ANKFN1: variants seen among roughly 807,000 people sequenced by gnomAD.
The protein encoded by ANKFN1 is ankyrin repeat and fibronectin type III domain containing 1, also known as ankyrin repeat and fibronectin type-III domain-containing protein 1.
Under a neutral mutation model 108.7 loss-of-function variants are expected in ANKFN1, and 74 were observed. That is an observed-to-expected ratio of 0.68 (90% CI 0.56 to 0.83). The LOEUF (loss-of-function observed/expected upper bound fraction) is 0.83, where lower values mean the gene tolerates loss of function less well. Ranked by LOEUF, ANKFN1 falls within the 40% of genes least tolerant of loss-of-function variation. The pLI is 0.00. For synonymous variants in ANKFN1, 547 were observed against 516.2 expected, an observed-to-expected ratio of 1.06 and a Z score of -0.81; for missense variants, 1,505 against 1,382.3, an observed-to-expected ratio of 1.09 and a Z score of -1.41.
intron 3 of ANKFN1, among the ~76,000 whole-genome samples, chr17:56,264,428 G>A (rs911170755): frequency 7.2e-5 from 11 of 152,138 alleles, no homozygotes; most frequent in South Asian, 2.1e-4. Flanking sequence ...CAGGATTCTC[G>A]CTATTTTTCA....
chr17:56,190,285 G>T (rs535900531), intron 1 of ANKFN1, among the ~76,000 whole-genome samples: 42 of 135,790 alleles, frequency 3.1e-4, no homozygotes, highest in Middle Eastern at 3.5e-3. Context: ...TGCTTTTCTA[G>T]TTCTTCTAAT....
At chr17:56,062,942 A>G (rs540219395) in intron 4 of ANKFN1, among the ~76,000 whole-genome samples, 1 of 152,222 alleles carries the variant, frequency 6.6e-6, no homozygotes, top group African/African-American at 2.4e-5. Flanking sequence ...ATCCCTCAGC[A>G]TTTGCTTGTC....
chr17:56,363,625 G>A (rs2046583767), intron 6 of ANKFN1, among the ~76,000 whole-genome samples: 2 of 152,112 alleles, frequency 1.3e-5, no homozygotes, highest in East Asian at 1.9e-4. Flanking sequence ...GCACTTCCAT[G>A]TTCACTGCAG....
chr17:56,466,229 CAAA>C (rs57013545), intron 14 of ANKFN1, 124 bp from the exon 15 acceptor site: 53 of 704,056 alleles, frequency 7.5e-5, no homozygotes, highest in Non-Finnish European at 9.5e-5. Context: ...GGTTTAAGTG[CAAA>C]AAAAAAAAAG....
intron 15 of ANKFN1, among the ~76,000 whole-genome samples, chr17:56,468,081 G>C (rs574658499): frequency 3.3e-5 from 5 of 152,158 alleles, no homozygotes; most frequent in African/African-American, 4.8e-5. Flanking sequence ...CACAAAACTT[G>C]ATTTTGTCCC....
intron 4 of ANKFN1, among the ~76,000 whole-genome samples, chr17:56,049,775 T>C (rs1340083849): frequency 2.7e-5 from 4 of 148,220 alleles, no homozygotes; most frequent in African/African-American, 1.0e-4. Context: ...CCACATTTTC[T>C]TAATCCAGTC....
intron 3 of ANKFN1, among the ~76,000 whole-genome samples, chr17:56,301,413 G>A (rs913070083): frequency 4.6e-5 from 7 of 152,194 alleles, no homozygotes; most frequent in Admixed American, 3.9e-4. Flanking sequence ...TAATGGCTTG[G>A]TTTAATCTGA....
chr17:56,091,122 C>T (rs1038849805), intron 4 of ANKFN1, among the ~76,000 whole-genome samples: 6 of 150,920 alleles, frequency 4.0e-5, no homozygotes, highest in African/African-American at 1.5e-4. Flanking sequence ...TCAAAAAATT[C>T]TTGTTGAAAT....
intron 3 of ANKFN1, among the ~76,000 whole-genome samples, chr17:56,232,622 A>C (rs1290032637): frequency 6.6e-6 from 1 of 152,168 alleles, no homozygotes; most frequent in Admixed American, 6.6e-5. Flanking sequence ...GGCTTCATTC[A>C]AGAGATTGGT....
At position 56,047,621 on chromosome 17, in the gene ANKFN1, C is replaced by T. The variant is rs551144223; in HGVS notation, c.288+1296C>T. Among the ~76,000 whole-genome samples the T allele has an allele frequency of 1.5e-4, 23 of 152,080 alleles. No individual in the cohort carries two copies. The South Asian group carries it at 4.8e-3, about 32-fold the overall frequency. On this transcript the variant is annotated intron_variant, in intron 4 of 12. Transcript: ENST00000635860. Reference sequence around the variant, plus strand: ...CTGGGGAGAGGAAAGAGCCATCTGTCTTCTACAAGGTATCCTTTCACTGAA... The same window carrying T: ...CTGGGGAGAGGAAAGAGCCATCTGTTTTCTACAAGGTATCCTTTCACTGAA...
intron 3 of ANKFN1, among the ~76,000 whole-genome samples, chr17:56,302,285 G>C (rs1049109119): frequency 1.3e-5 from 2 of 152,122 alleles, no homozygotes; most frequent in African/African-American, 4.8e-5. Context: ...GTTCCTTGGG[G>C]AGCCTGAGGC....
intron 8 of ANKFN1, among the ~76,000 whole-genome samples, chr17:56,379,093 G>A (rs1428528014): frequency 6.6e-6 from 1 of 152,014 alleles, no homozygotes; most frequent in African/African-American, 2.4e-5. Flanking sequence ...ATATTGTGTA[G>A]GAATATATAC....
chr17:56,301,910 T>A (rs1402725584), intron 3 of ANKFN1, among the ~76,000 whole-genome samples: 3 of 152,212 alleles, frequency 2.0e-5, no homozygotes, highest in Non-Finnish European at 4.4e-5. Flanking sequence ...AGGTTTTACA[T>A]GATTAAGATG....
intron 15 of ANKFN1, chr17:56,471,722 C>T (rs2050323765): frequency 6.6e-6 from 1 of 152,198 alleles, no homozygotes; most frequent in Admixed American, 6.5e-5. Context: ...AAATGAATCA[C>T]ATATGATCCA....
intron 4 of ANKFN1, among the ~76,000 whole-genome samples, chr17:56,087,317 T>C (rs1905334549): frequency 6.6e-6 from 1 of 151,372 alleles, no homozygotes; most frequent in African/African-American, 2.4e-5. Flanking sequence ...AACTCTTCAC[T>C]CTTAGAAGGG....
chr17:56,061,024 G>A (rs1020826326), intron 4 of ANKFN1, among the ~76,000 whole-genome samples: 8 of 152,052 alleles, frequency 5.3e-5, no homozygotes, highest in African/African-American at 1.9e-4. Context: ...GCTCCTTTTT[G>A]TACCTCTAGA....
rs1014404593 is a variant in ANKFN1, at chr17:56,514,654, T to C, written c.*3385T>C. 1.3e-5 allele frequency among the ~76,000 whole-genome samples: 2 copies of C among 152,234 alleles called. No homozygotes were observed. Among genetic ancestry groups the C allele is most frequent in the Admixed American group, 6.5e-5 (1 of 15,290 alleles). On this transcript the variant is annotated 3_prime_UTR_variant, in exon 21 of 21. Coordinates refer to ENST00000682825, the MANE Select transcript of ANKFN1 (RefSeq NM_001370326.1). The stretch of plus-strand genomic sequence containing the variant: ...GCCATTCCCTTTAAAGAACATTCAC[T>C]AATGCTCGAAGCAATAATTACACTG...
intron 15 of ANKFN1, among the ~76,000 whole-genome samples, chr17:56,469,395 G>A (rs988424923): frequency 6.6e-6 from 1 of 152,142 alleles, no homozygotes; most frequent in Admixed American, 6.5e-5. Flanking sequence ...CATAAAGGGA[G>A]AGATAGGTCT....
At chr17:56,097,779 G>A (rs1905561225) in intron 4 of ANKFN1, among the ~76,000 whole-genome samples, 1 of 152,134 alleles carries the variant, frequency 6.6e-6, no homozygotes, top group South Asian at 2.1e-4. Context: ...TCCTTTATCA[G>A]GCAAGGTATG....
Sources: gnomAD v4.1 joint callset for allele counts (sites outside exome capture counted in the v4.1 genomes callset) on GRCh38, gnomAD v4.1.1 for gene constraint, MANE v1.5 for transcripts, NCBI Gene and HGNC (gene_info 2026-07-23, HGNC 2026-07-21) for gene names.